Variants in AP4S1 observed in about 807,000 individuals in gnomAD.
AP4S1 encodes adaptor related protein complex 4 subunit sigma 1, also known as AP-4 complex subunit sigma-1.
In AP4S1, 23 loss-of-function variants were observed where a neutral mutation model predicts 19.8. The ratio of observed to expected loss-of-function variants is 1.16; its 90% confidence interval spans 0.84 to 1.65. The LOEUF is 1.65. Among genes scored for constraint, AP4S1 ranks in the 40% most tolerant of loss-of-function variants. The probability of loss-of-function intolerance (pLI) is 0.00; values close to 1 mark genes in which losing one functional copy is unlikely to be tolerated. For synonymous variants in AP4S1, 46 were observed against 54.1 expected (o/e 0.85, Z 0.66); for missense variants, 166 against 172.8 (o/e 0.96, Z 0.22).
chr14:31,038,883 G>T (rs1338812991), intron 1 of AP4S1, among the ~76,000 whole-genome samples: 1 of 152,126 alleles, frequency 6.6e-6, no homozygotes, highest in Non-Finnish European at 1.5e-5. Flanking sequence ...GTATTACCAA[G>T]AGTGAGTAAT....
In AP4S1 at chr14:31,063,964, C is replaced by T. The variant is rs118017109; in HGVS notation, c.-71-2162C>T. Among the ~76,000 whole-genome samples, 104 of 152,268 alleles carry T rather than the reference C, an allele frequency of 6.8e-4. No individual in the cohort carries two copies. The East Asian group carries it at 0.017, about 25-fold the overall frequency. ...TCACAGATATCACAAAACGTGAATA[C>T]AATATTGTCAGCTGAGCCAGACCAG... On this transcript the variant is annotated intron_variant, in intron 1 of 5. Coordinates refer to ENST00000542754, the MANE Select transcript of AP4S1 (RefSeq NM_001128126.3).
chr14:31,053,637 T>A (rs913513379), intron 1 of AP4S1, among the ~76,000 whole-genome samples: 2 of 139,416 alleles, frequency 1.4e-5, no homozygotes, highest in East Asian at 4.2e-4. Flanking sequence ...AGTGTCATTA[T>A]GTTGCCCAGG....
intron 1 of AP4S1, among the ~76,000 whole-genome samples, chr14:31,028,453 A>G (rs1488861141): frequency 6.6e-6 from 1 of 152,158 alleles, no homozygotes; most frequent in Non-Finnish European, 1.5e-5. Flanking sequence ...TTAAGATTAC[A>G]TATTTCTTCA....
At chr14:31,076,201 C>T (rs1566541031) in intron 4 of AP4S1, among the ~76,000 whole-genome samples, 1 of 152,136 alleles carries the variant, frequency 6.6e-6, no homozygotes, top group Non-Finnish European at 1.5e-5. Flanking sequence ...TGTGGTAACT[C>T]CATGTTTAAC....
chr14:31,084,633 T>C (rs1887830278), intron 5 of AP4S1: 2 of 1,419,784 alleles, frequency 1.4e-6, no homozygotes, highest in Non-Finnish European at 1.9e-6. Context: ...ACTCTTCAGT[T>C]CCACTCCACC....
At chr14:31,067,802 A>G (rs1886805246) in intron 2 of AP4S1, among the ~76,000 whole-genome samples, 3 of 151,866 alleles carry the variant, frequency 2.0e-5, no homozygotes, top group Non-Finnish European at 1.5e-5. Context: ...TACAGGCATG[A>G]GCCACCGTGC....
At chr14:31,085,512 G>A (rs918427480) in intron 5 of AP4S1, 6 of 985,874 alleles carry the variant, frequency 6.1e-6, no homozygotes, top group Non-Finnish European at 7.2e-6. Context: ...AGTGGCTCAC[G>A]CCAGTAATCC....
In AP4S1 at chr14:31,072,917, A is replaced by G; in HGVS notation, c.238A>G (p.Ile80Val). 2 of 1,613,328 alleles carry G rather than the reference A, an allele frequency of 1.2e-6. No homozygotes were observed. Among genetic ancestry groups the G allele is most frequent in the Non-Finnish European group, 1.7e-6 (2 of 1,179,316 alleles). ...GVNDTENEMA[I>V]YEFIHNFVEV... ...TCTTTTATTGTAGAACGAGATGGCT[A>G]TTTATGAATTCATTCATAACTTTGT... The change falls in exon 4 of 6, where the codon ATT becomes GTT. Residue 80 changes from isoleucine to valine, a missense_variant. Physicochemically the swap from Ile to Val is conservative, Grantham distance 29. Coordinates refer to ENST00000542754, the MANE Select transcript of AP4S1 (RefSeq NM_001128126.3).
intron 1 of AP4S1, among the ~76,000 whole-genome samples, chr14:31,057,457 C>G (rs1886181902): frequency 6.6e-6 from 1 of 152,104 alleles, no homozygotes; most frequent in South Asian, 2.1e-4. Context: ...GGTCTAACTC[C>G]CAGAAATACG....
At position 31,028,594 on chromosome 14, in the gene AP4S1, C is replaced by T. The variant is rs1323783625; in HGVS notation, c.-72+2807C>T. ...ATGCTGCCTCAAAGACATACACACA[C>T]ATACACACACACACACACACACACA... On this transcript the variant is annotated intron_variant, in intron 1 of 5. Coordinates refer to ENST00000542754, the MANE Select transcript of AP4S1 (RefSeq NM_001128126.3). 1.5e-5 allele frequency among the ~76,000 whole-genome samples: 2 copies of T among 129,124 alleles called. 1 individual carries two copies. Among genetic ancestry groups the T allele is most frequent in the African/African-American group, 6.0e-5 (2 of 33,442 alleles). 84.7% of individuals were successfully genotyped at this position (129,124 alleles called of 152,430 possible).
At chr14:31,087,995 C>T (rs1053154014) in intron 5 of AP4S1, among the ~76,000 whole-genome samples, 2 of 152,180 alleles carry the variant, frequency 1.3e-5, no homozygotes, top group Non-Finnish European at 2.9e-5. Context: ...TGCAGCTGTT[C>T]CTCCATGGGA....
intron 1 of AP4S1, among the ~76,000 whole-genome samples, chr14:31,045,890 G>GTGA (rs1885370082): frequency 2.0e-5 from 3 of 151,706 alleles, no homozygotes; most frequent in Non-Finnish European, 2.9e-5. Context: ...GAAAGACCAA[G>GTGA]TGATGAGAGG....
chr14:31,083,238 C>G (rs1242737907), intron 5 of AP4S1, among the ~76,000 whole-genome samples: 1 of 152,098 alleles, frequency 6.6e-6, no homozygotes, highest in Non-Finnish European at 1.5e-5. Context: ...ACAATTTTCC[C>G]TTCATTTTAC....
At chr14:31,064,537 G>T (rs372375412) in intron 1 of AP4S1, among the ~76,000 whole-genome samples, 1 of 152,120 alleles carries the variant, frequency 6.6e-6, no homozygotes, top group Non-Finnish European at 1.5e-5. Flanking sequence ...GGCCAGGCTG[G>T]TCTTGAACTC....
At chr14:31,034,584 C>T (rs1594626140) in intron 1 of AP4S1, among the ~76,000 whole-genome samples, 2 of 149,406 alleles carry the variant, frequency 1.3e-5, no homozygotes, top group African/African-American at 2.5e-5. Flanking sequence ...AGCCACTACA[C>T]CTGTGCCTAG....
intron 1 of AP4S1, among the ~76,000 whole-genome samples, chr14:31,053,358 C>T (rs528576433): frequency 6.6e-4 from 100 of 152,196 alleles, no homozygotes; most frequent in African/African-American, 2.2e-3. Flanking sequence ...CATAGGCCCC[C>T]GGGATGATGG....
At chr14:31,029,564 T>A (rs552620419) in intron 1 of AP4S1, among the ~76,000 whole-genome samples, 1 of 152,200 alleles carries the variant, frequency 6.6e-6, no homozygotes, top group African/African-American at 2.4e-5. Flanking sequence ...ATGCCTGTAA[T>A]CCCAACACTT....
chr14:31,065,269 T>G (rs1859485307), intron 1 of AP4S1, among the ~76,000 whole-genome samples: 1 of 152,194 alleles, frequency 6.6e-6, no homozygotes. Flanking sequence ...CATACCTGTT[T>G]TCTCTGCCTC....
At chr14:31,087,604 C>T (rs950999313) in intron 5 of AP4S1, among the ~76,000 whole-genome samples, 23 of 152,142 alleles carry the variant, frequency 1.5e-4, no homozygotes, top group African/African-American at 5.1e-4. Flanking sequence ...ATCTGTCCAC[C>T]TTGGCCTCCC....
Sources: gnomAD v4.1 joint callset for allele counts (sites outside exome capture counted in the v4.1 genomes callset) on GRCh38, gnomAD v4.1.1 for gene constraint, MANE v1.5 for transcripts, NCBI Gene and HGNC (gene_info 2026-07-23, HGNC 2026-07-21) for gene names.